The following FGFR1OP2 variants were observed in gnomAD, a reference collection of about 807,000 sequenced individuals.
FGFR1OP2 encodes fibroblast growth factor receptor 1 oncogene partner 2.
Under a neutral mutation model 35.2 loss-of-function variants are expected in FGFR1OP2, and 17 were observed. That is an observed-to-expected ratio of 0.48 (90% CI 0.33 to 0.73). The LOEUF is 0.73. Among genes scored for constraint, FGFR1OP2 ranks in the 30% least tolerant of loss-of-function variants. The probability of loss-of-function intolerance (pLI) is 0.02; values close to 1 mark genes in which losing one functional copy is unlikely to be tolerated. For missense variants in FGFR1OP2, 251 were observed against 307.3 expected (o/e 0.82, Z 1.37); for synonymous variants, 105 against 104.6 (o/e 1.00, Z -0.03).
rs369150262 is a variant in FGFR1OP2 at position 26,957,706 on chromosome 12, C to A, written c.359C>A (p.Pro120Gln). 1.2e-6 allele frequency: 2 copies of A among 1,612,900 alleles called. No homozygotes were observed. Among genetic ancestry groups the A allele is most frequent in the Non-Finnish European group, 8.5e-7 (1 of 1,179,574 alleles). ...RLLMASKKDD[P>Q]GIIMKLKEQH... ...CTAATGGCTAGCAAAAAAGATGATC[C>A]GGGTATAATAATGAAGTTAAAAGAG... The change falls in exon 4 of 7, where the codon CCG becomes CAG. Residue 120 changes from proline to glutamine, a missense_variant. By Grantham distance (76) the Pro-to-Gln change is moderately conservative (BLOSUM62 -1). Transcript: ENST00000229395.
rs1193716295 is a variant in FGFR1OP2, at chr12:26,965,149, T to C, written c.*416T>C. 6.4e-6 allele frequency: 1 copy of C among 156,050 alleles called. No individual in the cohort carries two copies. The highest frequency in any genetic ancestry group is 1.4e-5 in the Non-Finnish European group (1 of 70,228). The allele number at this position is 156,050 out of a possible 1,614,324, so 9.7% of individuals were successfully genotyped here. The stretch of plus-strand genomic sequence containing the variant: ...ATTTGTACGCTAAATTTCATCCTTA[T>C]TTGGCGTCAAAGTTGATGCAAAGTT... On this transcript the variant is annotated 3_prime_UTR_variant, in exon 7 of 7. Coordinates refer to ENST00000229395, the MANE Select transcript of FGFR1OP2 (RefSeq NM_015633.3).
Position 26,954,518 on chromosome 12 carries a change from A to C in FGFR1OP2, c.135+225A>C, listed in dbSNP as rs142918295. On this transcript the variant is annotated intron_variant, in intron 2 of 6. Coordinates refer to ENST00000229395, the MANE Select transcript of FGFR1OP2 (RefSeq NM_015633.3). The stretch of plus-strand genomic sequence containing the variant: ...TCACTTATTTTGCTGACAGAGTTGC[A>C]CATTTGAGTTTAGAAAATAAATGAA... 1.6e-4 allele frequency among the ~76,000 whole-genome samples: 25 copies of C among 152,346 alleles called. No homozygotes were observed. In the East Asian group the frequency reaches 4.8e-3, roughly 29 times the overall value.
chr12:26,939,715 C>T (rs1220580884), intron 1 of FGFR1OP2, among the ~76,000 whole-genome samples: 1 of 152,192 alleles, frequency 6.6e-6, no homozygotes, highest in Non-Finnish European at 1.5e-5. Flanking sequence ...TTATTTGTTT[C>T]TGTCTCTCCT....
In FGFR1OP2 at chr12:26,954,248, T is replaced by C. The variant is rs1037968880; in HGVS notation, c.90T>C (p.Ile30=). The C allele has an allele frequency of 6.2e-7, 1 of 1,612,304 alleles. No homozygotes were observed. The highest frequency in any genetic ancestry group is 8.5e-7 in the Non-Finnish European group (1 of 1,178,956). The change falls in exon 2 of 7, where the codon ATT becomes ATC. Residue 30 remains isoleucine (I), a synonymous_variant. Transcript: ENST00000229395. ...RDHDDAAESL[I]EQTTALNKRV... is the part of the protein sequence containing the mutation. Reference sequence around the variant, plus strand: ...ATGACGATGCAGCAGAATCTCTGATTGAGCAAACCACAGCTCTCAACAAGC... The same window carrying C: ...ATGACGATGCAGCAGAATCTCTGATCGAGCAAACCACAGCTCTCAACAAGC...
At chr12:26,944,267 C>T (rs1487831097) in intron 1 of FGFR1OP2, among the ~76,000 whole-genome samples, 3 of 151,646 alleles carry the variant, frequency 2.0e-5, no homozygotes, top group Non-Finnish European at 4.4e-5. Flanking sequence ...TATGGTTTTT[C>T]CCCCCTTCCT....
At chr12:26,958,453 T>A (rs964915237) in intron 4 of FGFR1OP2, among the ~76,000 whole-genome samples, 1 of 152,248 alleles carries the variant, frequency 6.6e-6, no homozygotes, top group Non-Finnish European at 1.5e-5. Context: ...GAAACCTTTT[T>A]TAAAATCTGA....
chr12:26,944,272 C>G (rs1938786861), intron 1 of FGFR1OP2, among the ~76,000 whole-genome samples: 1 of 152,154 alleles, frequency 6.6e-6, no homozygotes, highest in South Asian at 2.1e-4. Flanking sequence ...TTTTTCCCCC[C>G]TTCCTAGCCT....
chr12:26,963,532 A>G, intron 6 of FGFR1OP2, 77 bp downstream of exon 6: 1 of 925,310 alleles, frequency 1.1e-6, no homozygotes, highest in Non-Finnish European at 1.6e-6. Context: ...CCATTTTTAA[A>G]TATATATTTA....
At chr12:26,960,751 ATGTTG>A in intron 5 of FGFR1OP2, 123 bp downstream of exon 5, 1 of 1,397,770 alleles carries the variant, frequency 7.2e-7, no homozygotes, top group Non-Finnish European at 9.4e-7. Context: ...TATTAAAAGA[ATGTTG>A]TGTCTTTAAT....
chr12:26,946,001 GTT>G (rs57444779), intron 1 of FGFR1OP2, among the ~76,000 whole-genome samples: 3,509 of 152,220 alleles, frequency 0.023, 146 homozygotes, highest in African/African-American at 0.08. Flanking sequence ...GCTGTTGTTG[GTT>G]GTAGCATTTC....
intron 4 of FGFR1OP2, among the ~76,000 whole-genome samples, chr12:26,959,547 T>C (rs899417983): frequency 3.9e-5 from 6 of 152,150 alleles, no homozygotes; most frequent in Admixed American, 2.0e-4. Flanking sequence ...TGGTAGCAAC[T>C]ATGACAGAAG....
chr12:26,949,398 C>CT (rs1357199232), intron 1 of FGFR1OP2, among the ~76,000 whole-genome samples: 1 of 152,026 alleles, frequency 6.6e-6, no homozygotes, highest in Non-Finnish European at 1.5e-5. Flanking sequence ...TCCCAAAGTG[C>CT]TGGGATTACA....
At position 26,966,149 on chromosome 12, in the gene FGFR1OP2, G is replaced by A. The variant is rs1467850327; in HGVS notation, c.*1416G>A. The A allele has an allele frequency of 6.6e-6, 1 of 151,998 alleles. No individual in the cohort carries two copies. Among genetic ancestry groups the A allele is most frequent in the Non-Finnish European group, 1.5e-5 (1 of 67,950 alleles). 9.4% of individuals were successfully genotyped at this position (151,998 alleles called of 1,614,324 possible). ...AGTTTGGGGTGAATGGGGTGGATGAGACTGATTGAATAGAAAAGGGCTAAT... is the reference window on the plus strand; with the variant it reads ...AGTTTGGGGTGAATGGGGTGGATGAAACTGATTGAATAGAAAAGGGCTAAT... On this transcript the variant is annotated 3_prime_UTR_variant, in exon 7 of 7. Transcript: ENST00000229395.
At chr12:26,949,797 C>T (rs1938887991) in intron 1 of FGFR1OP2, among the ~76,000 whole-genome samples, 1 of 152,018 alleles carries the variant, frequency 6.6e-6, no homozygotes, top group African/African-American at 2.4e-5. Context: ...TCAGGCTGGT[C>T]TCGAACTCCT....
At chr12:26,939,742 G>T (rs910388927) in intron 1 of FGFR1OP2, among the ~76,000 whole-genome samples, 1 of 152,150 alleles carries the variant, frequency 6.6e-6, no homozygotes, top group East Asian at 1.9e-4. Context: ...TTGAACCTGG[G>T]TCTGTCTGGA....
At chr12:26,953,097 A>G (rs1045257432) in intron 1 of FGFR1OP2, among the ~76,000 whole-genome samples, 6 of 152,020 alleles carry the variant, frequency 3.9e-5, no homozygotes, top group Admixed American at 6.6e-5. Context: ...CCCCGACTCT[A>G]CTAAAAATAC....
intron 1 of FGFR1OP2, among the ~76,000 whole-genome samples, chr12:26,942,054 A>G (rs1043848627): frequency 2.6e-5 from 4 of 152,102 alleles, no homozygotes; most frequent in African/African-American, 9.7e-5. Flanking sequence ...TTTGTTTGTG[A>G]TGGAATCTTG....
intron 6 of FGFR1OP2, among the ~76,000 whole-genome samples, 162 bp from the exon 7 acceptor site, chr12:26,964,434 T>C (rs1213279059): frequency 1.3e-5 from 2 of 152,292 alleles, no homozygotes; most frequent in East Asian, 3.9e-4. Context: ...GTTCTTTAGA[T>C]TCAAGTTGCC....
chr12:26,952,462 ATCT>A (rs1470017829), intron 1 of FGFR1OP2, among the ~76,000 whole-genome samples: 1 of 152,104 alleles, frequency 6.6e-6, no homozygotes, highest in African/African-American at 2.4e-5. Flanking sequence ...TACAAGACAA[ATCT>A]TGTGGTGGTT....
Sources: gnomAD v4.1 joint callset for allele counts (sites outside exome capture counted in the v4.1 genomes callset) on GRCh38, gnomAD v4.1.1 for gene constraint, MANE v1.5 for transcripts, NCBI Gene and HGNC (gene_info 2026-07-23, HGNC 2026-07-21) for gene names.